GRID2: variants seen among roughly 807,000 people sequenced by gnomAD.
GRID2 encodes glutamate ionotropic receptor delta type subunit 2.
In GRID2, 33 loss-of-function variants were observed where a neutral mutation model predicts 114.8. That is an observed-to-expected ratio of 0.29 (90% CI 0.22 to 0.38). The LOEUF is 0.38. Ranked by LOEUF, GRID2 falls within the 10% of genes least tolerant of loss-of-function variation. The pLI is 1.00. For synonymous variants in GRID2, 505 were observed against 449.9 expected (o/e 1.12, Z -1.55); for missense variants, 1,184 against 1,257.7 (o/e 0.94, Z 0.89).
chr4:92,360,938 T>C (rs1728589374), intron 1 of GRID2, among the ~76,000 whole-genome samples: 1 of 152,024 alleles, frequency 6.6e-6, no homozygotes, highest in South Asian at 2.1e-4. Context: ...GTGTTCTATT[T>C]TAAATTGCTT....
intron 4 of GRID2, among the ~76,000 whole-genome samples, chr4:93,172,185 T>C (rs1348208002): frequency 6.6e-6 from 1 of 152,172 alleles, no homozygotes; most frequent in Non-Finnish European, 1.5e-5. Flanking sequence ...CAGTGATGTG[T>C]TCTTAAGTTT....
At chr4:93,040,813 CTG>C (rs1212559543) in intron 2 of GRID2, among the ~76,000 whole-genome samples, 1 of 152,044 alleles carries the variant, frequency 6.6e-6, no homozygotes, top group Non-Finnish European at 1.5e-5. Context: ...CCCACTGTAT[CTG>C]TTATAAAATT....
intron 10 of GRID2, among the ~76,000 whole-genome samples, chr4:93,434,323 T>C (rs1019769710): frequency 5.3e-5 from 8 of 152,250 alleles, no homozygotes; most frequent in African/African-American, 1.7e-4. Context: ...GCTTCATCCA[T>C]GTCCCTAAGG....
At chr4:92,580,840 C>T (rs1158013379) in intron 1 of GRID2, among the ~76,000 whole-genome samples, 2 of 150,778 alleles carry the variant, frequency 1.3e-5, no homozygotes, top group African/African-American at 4.9e-5. Flanking sequence ...TGCAACTTTT[C>T]TCCATGAACA....
intron 14 of GRID2, among the ~76,000 whole-genome samples, chr4:93,683,768 A>G (rs1050535501): frequency 6.6e-6 from 1 of 151,982 alleles, no homozygotes; most frequent in Non-Finnish European, 1.5e-5. Flanking sequence ...ATTTAAAAGT[A>G]TAAGCTATCC....
At chr4:93,317,552 A>C (rs933132111) in intron 8 of GRID2, among the ~76,000 whole-genome samples, 2 of 152,116 alleles carry the variant, frequency 1.3e-5, no homozygotes, top group African/African-American at 4.8e-5. Flanking sequence ...TAATACTGAA[A>C]TTTGGAGAAA....
At chr4:93,363,159 G>A (rs995041980) in intron 8 of GRID2, among the ~76,000 whole-genome samples, 3 of 152,176 alleles carry the variant, frequency 2.0e-5, no homozygotes, top group African/African-American at 7.2e-5. Flanking sequence ...GAAGGTTGCA[G>A]TGAGCTGAAA....
chr4:92,619,721 T>C (rs1730175726), intron 2 of GRID2, among the ~76,000 whole-genome samples: 1 of 151,806 alleles, frequency 6.6e-6, no homozygotes, highest in Admixed American at 6.6e-5. Flanking sequence ...TGATGTTCAG[T>C]ATTTTCAGTA....
chr4:92,375,526 C>A (rs186854690), intron 1 of GRID2, among the ~76,000 whole-genome samples: 5 of 152,088 alleles, frequency 3.3e-5, no homozygotes, highest in Admixed American at 2.6e-4. Flanking sequence ...CCATTCCATG[C>A]GTGGGATCTC....
intron 5 of GRID2, among the ~76,000 whole-genome samples, chr4:93,212,537 T>C (rs957499764): frequency 6.6e-6 from 1 of 152,108 alleles, no homozygotes; most frequent in East Asian, 1.9e-4. Context: ...CTTAACACTT[T>C]ATTTAAGTTT....
chr4:92,482,265 T>C (rs1722653509), intron 1 of GRID2, among the ~76,000 whole-genome samples: 1 of 151,592 alleles, frequency 6.6e-6, no homozygotes, highest in Non-Finnish European at 1.5e-5. Context: ...TGCTAAACTT[T>C]GAGAACACAT....
intron 8 of GRID2, among the ~76,000 whole-genome samples, chr4:93,316,283 C>CGAAAGAAAGAAAGAAA (rs1382874932): frequency 6.1e-5 from 6 of 97,738 alleles, no homozygotes; most frequent in East Asian, 4.7e-4. Flanking sequence ...AAGAAAAGAA[C>CGAAAGAAAGAAAGAAA]GAAAGAACGA....
chr4:93,434,177 C>T (rs1054729309), intron 10 of GRID2, among the ~76,000 whole-genome samples: 2 of 152,106 alleles, frequency 1.3e-5, no homozygotes, highest in African/African-American at 2.4e-5. Flanking sequence ...TTTGTTGACT[C>T]GGATAGATTG....
Position 92,384,576 on chromosome 4 carries a change from A to AT in GRID2, c.88+79832_88+79833insT, listed in dbSNP as rs376486621. On this transcript the variant is annotated intron_variant, in intron 1 of 15. Transcript: ENST00000282020. Reference sequence around the variant, plus strand: ...TATATTATATATAATATAATATATAAAATATATTATATTATATATAACATA... The same window carrying AT: ...TATATTATATATAATATAATATATAATAATATATTATATTATATATAACATA... Among the ~76,000 whole-genome samples the AT allele has an allele frequency of 4.3e-3, 306 of 71,030 alleles. 16 individuals carry two copies. The highest frequency in any genetic ancestry group is 0.022 in the African/African-American group (293 of 13,038). 46.6% of individuals were successfully genotyped at this position (71,030 alleles called of 152,430 possible). A position where few individuals can be genotyped will look rare whatever the true frequency, so the allele number is the denominator to read the frequency against.
chr4:92,754,306 T>G (rs1737603319), intron 2 of GRID2, among the ~76,000 whole-genome samples: 1 of 152,070 alleles, frequency 6.6e-6, no homozygotes, highest in Non-Finnish European at 1.5e-5. Flanking sequence ...TTAAGATCTT[T>G]ACATACACCA....
chr4:93,031,298 C>G (rs1724411731), intron 2 of GRID2, among the ~76,000 whole-genome samples: 1 of 152,108 alleles, frequency 6.6e-6, no homozygotes, highest in Admixed American at 6.6e-5. Flanking sequence ...CCTGCCTCGG[C>G]CTCCCAAAGT....
At chr4:93,638,444 G>T (rs1578458315) in intron 14 of GRID2, among the ~76,000 whole-genome samples, 1 of 40,598 alleles carries the variant, frequency 2.5e-5, no homozygotes, top group Admixed American at 1.9e-4. Context: ...ATCTCCCAAT[G>T]CTATCCCACC....
intron 13 of GRID2, among the ~76,000 whole-genome samples, chr4:93,525,327 G>A (rs924850648): frequency 6.6e-6 from 1 of 152,114 alleles, no homozygotes; most frequent in Non-Finnish European, 1.5e-5. Context: ...AGGCATGAAG[G>A]TGAGCAGAGC....
intron 8 of GRID2, among the ~76,000 whole-genome samples, chr4:93,319,095 G>C (rs1371024563): frequency 1.3e-5 from 2 of 152,034 alleles, no homozygotes; most frequent in African/African-American, 4.8e-5. Flanking sequence ...ATTGGTTCTT[G>C]TGAGCTGGAA....
Sources: gnomAD v4.1 joint callset for allele counts (sites outside exome capture counted in the v4.1 genomes callset) on GRCh38, gnomAD v4.1.1 for gene constraint, MANE v1.5 for transcripts, NCBI Gene and HGNC (gene_info 2026-07-23, HGNC 2026-07-21) for gene names.